Variants in FHL2 observed in about 807,000 individuals in gnomAD.
The protein encoded by FHL2 is four and a half LIM domains 2, also known as four and a half LIM domains protein 2.
A neutral mutation model predicts 32.7 loss-of-function variants in FHL2; 20 were observed. The ratio of observed to expected loss-of-function variants is 0.61; its 90% CI spans 0.43 to 0.89. FHL2 has a LOEUF of 0.89. Ranked by LOEUF, FHL2 falls within the 40% of genes least tolerant of loss-of-function variation. FHL2 has a pLI of 0.00. For synonymous variants in FHL2, 123 were observed against 128.1 expected (o/e 0.96, Z 0.27); for missense variants, 311 against 358.6 (o/e 0.87, Z 1.07).
At chr2:105,402,543 C>A (rs1190956002), upstream of FHL2, among the ~76,000 whole-genome samples, 1 of 151,956 alleles carries the variant, frequency 6.6e-6, no homozygotes, top group African/African-American at 2.4e-5. Context: ...CCATGCCTGG[C>A]CCAAAAACTA....
chr2:105,402,487 C>T (rs893939896), upstream of FHL2, among the ~76,000 whole-genome samples: 2 of 152,074 alleles, frequency 1.3e-5, no homozygotes, highest in African/African-American at 4.8e-5. Context: ...ATCTTGTGAT[C>T]CACCCACTTG....
In FHL2 at chr2:105,360,959, T is replaced by C. The variant is rs542257095; in HGVS notation, c.*324A>G. 5 of 203,172 alleles carry C rather than the reference T, an allele frequency of 2.5e-5. No homozygotes were observed. The highest frequency in any genetic ancestry group is 4.9e-5 in the Non-Finnish European group (5 of 101,014). The allele number at this position is 203,172 out of a possible 1,614,324, so 12.6% of individuals were successfully genotyped here. On this transcript the variant is annotated 3_prime_UTR_variant, in exon 7 of 7. Coordinates refer to ENST00000530340, the MANE Select transcript of FHL2 (RefSeq NM_001318895.3). ...AGAAAACTTTCAAGTTCGTGACATATGTTAATTGCACTTAAATAGACAGTG... is the reference window on the plus strand; with the variant it reads ...AGAAAACTTTCAAGTTCGTGACATACGTTAATTGCACTTAAATAGACAGTG...
intron 4 of FHL2, among the ~76,000 whole-genome samples, chr2:105,368,579 T>A (rs1680801497): frequency 6.6e-6 from 1 of 152,218 alleles, no homozygotes; most frequent in South Asian, 2.1e-4. Flanking sequence ...CTATTAGCAT[T>A]TGATACATTT....
At chr2:105,368,150 A>G (rs1271758361) in intron 4 of FHL2, among the ~76,000 whole-genome samples, 1 of 152,132 alleles carries the variant, frequency 6.6e-6, no homozygotes, top group Non-Finnish European at 1.5e-5. Context: ...CTGATAATGA[A>G]CACCCCGTCT....
chr2:105,388,919 T>C (rs150410741), intron 2 of FHL2, among the ~76,000 whole-genome samples: 2 of 152,298 alleles, frequency 1.3e-5, no homozygotes, highest in African/African-American at 4.8e-5. Context: ...CAATTTGCAG[T>C]CTTCAAAAGA....
At chr2:105,369,017 T>C (rs982555157) in intron 4 of FHL2, among the ~76,000 whole-genome samples, 1 of 152,154 alleles carries the variant, frequency 6.6e-6, no homozygotes, top group Non-Finnish European at 1.5e-5. Context: ...AGTGTGCAGC[T>C]GTGTGCAGTT....
At chr2:105,371,413 T>A (rs1323855947) in intron 4 of FHL2, among the ~76,000 whole-genome samples, 2 of 152,182 alleles carry the variant, frequency 1.3e-5, no homozygotes, top group African/African-American at 4.8e-5. Flanking sequence ...GTTTCCAGCC[T>A]GCCGCCCTAC....
intron 1 of FHL2, among the ~76,000 whole-genome samples, chr2:105,408,674 A>G (rs1342422338): frequency 6.6e-6 from 1 of 152,180 alleles, no homozygotes; most frequent in Non-Finnish European, 1.5e-5. Context: ...CATACACATG[A>G]TGGCCCTGAT....
chr2:105,360,101 T>C (rs1680153714), downstream of FHL2: 1 of 152,014 alleles, frequency 6.6e-6, no homozygotes, highest in Non-Finnish European at 1.5e-5. Context: ...GGTCAGGAGT[T>C]CAAGACCAGC....
chr2:105,379,007 CT>C (rs1681685137), intron 3 of FHL2, among the ~76,000 whole-genome samples: 2 of 152,166 alleles, frequency 1.3e-5, no homozygotes, highest in African/African-American at 4.8e-5. Flanking sequence ...TCTTGTATCA[CT>C]GTGGGTCAAG....
rs1680640164 is a variant in FHL2, at chr2:105,366,444, C to A, written c.501+1126G>T. ...AATAACAGGAGGAGAGCGAACAGAA[C>A]CTGTGATGAGTTCCACAGCTGGCGC... On this transcript the variant is annotated intron_variant, in intron 5 of 6. Coordinates refer to ENST00000530340, the MANE Select transcript of FHL2 (RefSeq NM_001318895.3). Among the ~76,000 whole-genome samples, 4 of 152,306 alleles carry A rather than the reference C, an allele frequency of 2.6e-5. No homozygotes were observed. In the South Asian group the frequency reaches 8.3e-4, roughly 32 times the overall value.
rs74890867 is a variant in FHL2 at position 105,371,570 on chromosome 2, C to G, written c.331+1989G>C. Among the ~76,000 whole-genome samples, 170 of 148,482 alleles carry G rather than the reference C, an allele frequency of 1.1e-3. 2 individuals are homozygous for G. In the East Asian group the frequency reaches 0.032, roughly 28 times the overall value. On this transcript the variant is annotated intron_variant, in intron 4 of 6. Coordinates refer to ENST00000530340, the MANE Select transcript of FHL2 (RefSeq NM_001318895.3). ...AATCTCTCTCTCTCTCTCTCTCTCT[C>G]TCTCTCCTTATGTATGTATCTATGT...
intron 3 of FHL2, chr2:105,377,810 C>G: frequency 3.0e-6 from 1 of 337,390 alleles, no homozygotes; most frequent in South Asian, 2.4e-5. Flanking sequence ...GACAAGAGAC[C>G]TGAAGGAGTA....
intron 1 of FHL2, among the ~76,000 whole-genome samples, chr2:105,406,439 G>T (rs1055508418): frequency 1.4e-5 from 2 of 144,670 alleles, no homozygotes; most frequent in South Asian, 4.5e-4. Context: ...CTTTAAACTC[G>T]AGGGCTTTTT....
chr2:105,421,850 T>A (rs886267951), intron 1 of FHL2, among the ~76,000 whole-genome samples: 5 of 152,260 alleles, frequency 3.3e-5, no homozygotes, highest in African/African-American at 1.2e-4. Flanking sequence ...CATCAGGGAC[T>A]CAACATTCTA....
At chr2:105,360,631 C>T (rs1306324246), downstream of FHL2, 5 of 152,522 alleles carry the variant, frequency 3.3e-5, no homozygotes, top group African/African-American at 7.2e-5. Flanking sequence ...GCTGGGATTA[C>T]AGGCGTGAGC....
intron 1 of FHL2, among the ~76,000 whole-genome samples, chr2:105,417,132 C>A (rs1331981907): frequency 3.3e-5 from 5 of 152,096 alleles, no homozygotes; most frequent in Admixed American, 3.3e-4. Context: ...GCCGGTAATC[C>A]CAGCACTTTG....
At chr2:105,371,020 C>T (rs189407465) in intron 4 of FHL2, among the ~76,000 whole-genome samples, 63 of 152,238 alleles carry the variant, frequency 4.1e-4, no homozygotes, top group Non-Finnish European at 6.9e-4. Context: ...AAGAGGCTGC[C>T]GGCCAGTTAA....
intron 1 of FHL2, among the ~76,000 whole-genome samples, chr2:105,427,732 A>G (rs1040294682): frequency 6.6e-6 from 1 of 152,098 alleles, no homozygotes; most frequent in Non-Finnish European, 1.5e-5. Context: ...ATCCCTCTAA[A>G]CCATTGTGCT....
Sources: allele counts gnomAD v4.1 joint callset (sites outside exome capture counted in the v4.1 genomes callset), GRCh38; gene constraint gnomAD v4.1.1; transcripts MANE v1.5; gene names NCBI Gene and HGNC (gene_info 2026-07-23, HGNC 2026-07-21).